The following FIGN variants were observed in gnomAD, a reference collection of about 807,000 sequenced individuals.
FIGN encodes the protein fidgetin.
A neutral mutation model predicts 51.3 loss-of-function variants in FIGN; 11 were observed. The observed-to-expected ratio is 0.21, with a 90% CI of 0.13 to 0.35. The LOEUF is 0.35. Among genes scored for constraint, FIGN ranks in the 10% least tolerant of loss-of-function variants. FIGN has a pLI of 1.00. For missense variants in FIGN, 857 were observed against 943.6 expected (o/e 0.91, Z 1.20); for synonymous variants, 407 against 363.2 (o/e 1.12, Z -1.37).
At chr2:163,668,962 A>G (rs12997272) in intron 2 of FIGN, among the ~76,000 whole-genome samples, 11 of 150,554 alleles carry the variant, frequency 7.3e-5, no homozygotes, top group African/African-American at 2.2e-4. Flanking sequence ...AAGAAAAAAG[A>G]CATTTAGTAT....
chr2:163,709,881 G>C (rs1365560721), intron 2 of FIGN, among the ~76,000 whole-genome samples: 2 of 152,142 alleles, frequency 1.3e-5, no homozygotes, highest in African/African-American at 4.8e-5. Flanking sequence ...ACACTAGCCA[G>C]ATGTAAACTG....
intron 2 of FIGN, among the ~76,000 whole-genome samples, chr2:163,668,355 G>A (rs11896482): frequency 0.04 from 6,018 of 152,202 alleles, 357 homozygotes; most frequent in African/African-American, 0.13. Context: ...AAAACCAGGA[G>A]ACTGTGATCA....
chr2:163,682,727 C>A (rs2105340075), intron 2 of FIGN, among the ~76,000 whole-genome samples: 1 of 152,276 alleles, frequency 6.6e-6, no homozygotes, highest in Non-Finnish European at 1.5e-5. Flanking sequence ...TATGAAATAG[C>A]ATTCATTCAA....
At chr2:163,621,773 C>G (rs1682976518) in intron 2 of FIGN, among the ~76,000 whole-genome samples, 1 of 152,134 alleles carries the variant, frequency 6.6e-6, no homozygotes, top group South Asian at 2.1e-4. Flanking sequence ...TTGGCTCTTT[C>G]ATTTGTAAAA....
chr2:163,654,005 A>G (rs574062093), intron 2 of FIGN, among the ~76,000 whole-genome samples: 1 of 152,124 alleles, frequency 6.6e-6, no homozygotes, highest in African/African-American at 2.4e-5. Flanking sequence ...GCTAATATGA[A>G]TATAAGGATA....
At chr2:163,643,592 A>C (rs1683336374) in intron 2 of FIGN, among the ~76,000 whole-genome samples, 1 of 151,086 alleles carries the variant, frequency 6.6e-6, no homozygotes, top group African/African-American at 2.4e-5. Flanking sequence ...TGGAGTGGGT[A>C]GTGAGCCAAG....
At chr2:163,639,387 T>C (rs1467202146) in intron 2 of FIGN, among the ~76,000 whole-genome samples, 1 of 152,158 alleles carries the variant, frequency 6.6e-6, no homozygotes, top group African/African-American at 2.4e-5. Flanking sequence ...CAATATATAA[T>C]TATAAGCTTT....
At chr2:163,630,687 A>C in intron 2 of FIGN, among the ~76,000 whole-genome samples, 1 of 151,158 alleles carries the variant, frequency 6.6e-6, no homozygotes, top group Non-Finnish European at 1.5e-5. Context: ...GGGGGGGGGA[A>C]TGATGATTGT....
At chr2:163,635,363 C>A (rs1386045114) in intron 2 of FIGN, among the ~76,000 whole-genome samples, 5 of 152,082 alleles carry the variant, frequency 3.3e-5, no homozygotes, top group Non-Finnish European at 7.3e-5. Flanking sequence ...AACCTACGAG[C>A]TAGAGACCAG....
chr2:163,619,731 C>G (rs1487915798), intron 2 of FIGN, among the ~76,000 whole-genome samples: 1 of 152,108 alleles, frequency 6.6e-6, no homozygotes, highest in African/African-American at 2.4e-5. Flanking sequence ...CCTAGATTCA[C>G]TATATGATCA....
Position 163,612,269 on chromosome 2 carries a change from T to A in FIGN, c.26-463A>T, listed in dbSNP as rs1025715333. On this transcript the variant is annotated intron_variant, in intron 2 of 2. Transcript: ENST00000333129. ...TATTCTGTCTGTTCACATCACAGTT[T>A]GTTTTACATTTTAAGCAATATAAAA... 5.2e-6 allele frequency: 5 copies of A among 965,302 alleles called. No individual in the cohort carries two copies. The African/African-American group carries it at 8.8e-5, about 17-fold the overall frequency. The allele number at this position is 965,302 out of a possible 1,614,324, so 59.8% of individuals were successfully genotyped here. A position where few individuals can be genotyped will look rare whatever the true frequency, so the allele number is the denominator to read the frequency against.
chr2:163,708,769 G>T (rs566354912), intron 2 of FIGN, among the ~76,000 whole-genome samples: 44 of 152,200 alleles, frequency 2.9e-4, no homozygotes, highest in African/African-American at 9.9e-4. Context: ...GGCAAAATCT[G>T]TAAGGGGAGA....
At chr2:163,644,444 A>G (rs1016788202) in intron 2 of FIGN, among the ~76,000 whole-genome samples, 1 of 152,210 alleles carries the variant, frequency 6.6e-6, no homozygotes, top group African/African-American at 2.4e-5. Context: ...ATTGTTGATG[A>G]GGATGTGGCA....
rs1559012163 is a variant in FIGN, at chr2:163,660,683, ATACACATATACATATATATG to A, written c.26-48897_26-48878del. ...TATATACATATACATATATATATAT[ATACACATATACATATATATG>A]TATACACATATACATATATATGTAT... On this transcript the variant is annotated intron_variant, in intron 2 of 2. Coordinates refer to ENST00000333129, the MANE Select transcript of FIGN (RefSeq NM_018086.4). Among the ~76,000 whole-genome samples the A allele has an allele frequency of 1.6e-3, 207 of 129,242 alleles. 58 individuals carry two copies. The highest frequency in any genetic ancestry group is 7.8e-3 in the Middle Eastern group (2 of 258). The allele number at this position is 129,242 out of a possible 152,430, so 84.8% of individuals were successfully genotyped here.
chr2:163,633,836 C>T lies in FIGN; in HGVS notation c.26-22030G>A, dbSNP rs891061525. Among the ~76,000 whole-genome samples the T allele has an allele frequency of 4.6e-5, 7 of 152,266 alleles. No homozygotes were observed. The East Asian group carries it at 1.4e-3, about 29-fold the overall frequency. On this transcript the variant is annotated intron_variant, in intron 2 of 2. Transcript: ENST00000333129. ...TATCGATTCAATGAATCTATCTATT[C>T]AATTGCCTACCTGATGGGCACAAAC...
chr2:163,609,784 T>C lies in FIGN; in HGVS notation c.2048A>G (p.Gln683Arg), dbSNP rs1193464973. 5 of 1,614,076 alleles carry C rather than the reference T, an allele frequency of 3.1e-6. No homozygotes were observed. The South Asian group carries it at 5.5e-5, about 18-fold the overall frequency. ...TAGTCCAGAAAAGCCTTCTGTGCGCTGGACGAGCAGTGCAAACTCCTTGTC... is the reference window on the plus strand; with the variant it reads ...TAGTCCAGAAAAGCCTTCTGTGCGCCGGACGAGCAGTGCAAACTCCTTGTC... The part of the protein sequence containing the change: ...LNDKEFALLV[Q>R]RTEGFSGLDV... The change falls in exon 3 of 3, where the codon CAG (glutamine) becomes CGG (arginine). Residue 683 changes from glutamine (Q) to arginine (R), a missense_variant. This residue lies in a region of FIGN where 799 missense variants were observed against 849.5 expected (regional missense o/e 0.94). Coordinates refer to ENST00000333129, the MANE Select transcript of FIGN (RefSeq NM_018086.4).
intron 2 of FIGN, among the ~76,000 whole-genome samples, chr2:163,715,749 C>G (rs1684657498): frequency 6.6e-6 from 1 of 152,148 alleles, no homozygotes; most frequent in Non-Finnish European, 1.5e-5. Context: ...ACACCCACAG[C>G]ATTTCTGAAA....
At chr2:163,617,178 A>G in intron 2 of FIGN, 1 of 985,270 alleles carries the variant, frequency 1.0e-6, no homozygotes. Flanking sequence ...AATATGGCAT[A>G]AAATCTACAA....
chr2:163,640,180 T>C (rs755321224), intron 2 of FIGN, among the ~76,000 whole-genome samples: 1 of 152,212 alleles, frequency 6.6e-6, no homozygotes, highest in Non-Finnish European at 1.5e-5. Context: ...CATTATAAAA[T>C]AGTAATTTTT....
Sources: allele counts gnomAD v4.1 joint callset (sites outside exome capture counted in the v4.1 genomes callset), GRCh38; gene constraint gnomAD v4.1.1; regional missense constraint gnomAD v4.1.1; transcripts MANE v1.5; gene names NCBI Gene and HGNC (gene_info 2026-07-23, HGNC 2026-07-21).